The following INTS2 variants were observed in gnomAD, a reference collection of about 807,000 sequenced individuals.
INTS2 encodes the protein KIAA1287.
INTS2 carries 57 observed loss-of-function variants against 139.6 expected under a neutral mutation model. The observed-to-expected ratio is 0.41, with a 90% CI of 0.33 to 0.51. INTS2 has a LOEUF of 0.51. INTS2 is among the 20% of genes least tolerant of loss of function. INTS2 has a pLI of 0.28. For missense variants in INTS2, 1,196 were observed against 1,436.7 expected (o/e 0.83, Z 2.71); for synonymous variants, 473 against 493.4 (o/e 0.96, Z 0.55).
At chr17:61,885,248 A>T (rs969396974) in intron 15 of INTS2, 2 of 505,280 alleles carry the variant, frequency 4.0e-6, no homozygotes, top group East Asian at 6.8e-5. Flanking sequence ...AAGAAAATTC[A>T]TAACAGGTTG....
At chr17:61,924,541 G>A (rs530524468) in intron 3 of INTS2, among the ~76,000 whole-genome samples, 2 of 152,266 alleles carry the variant, frequency 1.3e-5, no homozygotes, top group African/African-American at 4.8e-5. Context: ...AGAGAAGGCC[G>A]GGCACGGTGA....
intron 3 of INTS2, among the ~76,000 whole-genome samples, chr17:61,924,350 A>G (rs1009345959): frequency 1.3e-5 from 2 of 152,336 alleles, no homozygotes; most frequent in Non-Finnish European, 1.5e-5. Flanking sequence ...CTTGAGATAA[A>G]TCCCTTTCTA....
Position 61,907,599 on chromosome 17 carries a change from C to A in INTS2, c.990G>T (p.Gln330His). The change falls in exon 8 of 25, where the codon CAG (glutamine) becomes CAT (histidine). Residue 330 changes from glutamine (Q) to histidine (H), a missense_variant. Physicochemically the swap from Gln to His is conservative, Grantham distance 24 (BLOSUM62 0). Transcript: ENST00000251334. ...KRETSSSVLWQMRRQLLLELM... is the reference protein window; with the variant it reads ...KRETSSSVLWHMRRQLLLELM... ...ACTCCAGAAGAAGCTGCCTTCTCAT[C>A]TGCCAAAGGACAGAACTGCTGGTCT... is the stretch of plus-strand genomic sequence containing the variant. The A allele has an allele frequency of 2.5e-6, 4 of 1,591,448 alleles. No individual in the cohort carries two copies. The highest frequency in any genetic ancestry group is 3.4e-6 in the Non-Finnish European group (4 of 1,168,118).
chr17:61,868,022 A>T lies in INTS2; in HGVS notation c.3245-13T>A. ...GCCTGTGTTAAAACTGTTGGAAAAAAATGAAACAATATTTTAGTTTACAAA... is the reference window on the plus strand; with the variant it reads ...GCCTGTGTTAAAACTGTTGGAAAAATATGAAACAATATTTTAGTTTACAAA... On this transcript the variant is annotated splice_polypyrimidine_tract_variant and intron_variant, in intron 23 of 24. Coordinates refer to ENST00000251334, the MANE Select transcript of INTS2 (RefSeq NM_001351695.2). The surrounding 1 kb of genome is among the most constrained non-coding windows in gnomAD (Gnocchi z 4.7). 1 of 1,545,314 alleles carries T rather than the reference A, an allele frequency of 6.5e-7. No individual in the cohort carries two copies. The highest frequency in any genetic ancestry group is 8.7e-7 in the Non-Finnish European group (1 of 1,149,908).
intron 9 of INTS2, among the ~76,000 whole-genome samples, chr17:61,898,062 C>T (rs1328708858): frequency 6.6e-6 from 1 of 152,094 alleles, no homozygotes; most frequent in Non-Finnish European, 1.5e-5. Flanking sequence ...GTTAAAACAA[C>T]TACACAACAG....
intron 9 of INTS2, among the ~76,000 whole-genome samples, chr17:61,900,360 A>G (rs775101160): frequency 6.6e-6 from 1 of 152,240 alleles, no homozygotes; most frequent in Non-Finnish European, 1.5e-5. Context: ...CCCTTCCCTC[A>G]GCAGAGAGAA....
chr17:61,910,845 G>T (rs1283041318), intron 7 of INTS2: 2 of 151,934 alleles, frequency 1.3e-5, no homozygotes, highest in Non-Finnish European at 1.5e-5. Flanking sequence ...ATGCTTTCAG[G>T]GGGTCTGGAA....
In INTS2 at chr17:61,889,836, T is replaced by C. The variant is rs931031926; in HGVS notation, c.1934A>G (p.Tyr645Cys). ...AGCCTCTTCATAAGACAGTATATAG[T>C]AGAGCACCAAAAGCTGTGCTGTGAT... The part of the protein sequence containing the change: ...FSITAQLLVL[Y>C]YILSYEEALL... The change falls in exon 15 of 25, where the codon TAC (tyrosine) becomes TGC (cysteine). Residue 645 changes from tyrosine (Y) to cysteine (C), a missense_variant. Physicochemically the swap from Tyr to Cys is radical, Grantham distance 194. Transcript: ENST00000251334. The C allele has an allele frequency of 6.2e-7, 1 of 1,612,148 alleles. No homozygotes were observed. Among genetic ancestry groups the C allele is most frequent in the Non-Finnish European group, 8.5e-7 (1 of 1,178,708 alleles).
rs149283427 is a variant in INTS2 at position 61,888,564 on chromosome 17, CGTGTGT to C, written c.1984+1216_1984+1221del. ...TTCTCTGTGTGCGTGTGTGTGCGTG[CGTGTGT>C]GTGTGTGTGTGTGTGTGTGTGGAGA... On this transcript the variant is annotated intron_variant, in intron 15 of 24. Transcript: ENST00000251334. 1.0e-4 allele frequency among the ~76,000 whole-genome samples: 12 copies of C among 119,666 alleles called. No individual in the cohort carries two copies. In the South Asian group the frequency reaches 1.1e-3, roughly 11 times the overall value. 78.5% of individuals were successfully genotyped at this position (119,666 alleles called of 152,430 possible).
rs755660346 is a variant in INTS2, at chr17:61,907,488, C to G, written c.1101G>C (p.Ser367=). 8.7e-6 allele frequency: 14 copies of G among 1,602,738 alleles called. No individual in the cohort carries two copies. Among genetic ancestry groups the G allele is most frequent in the Middle Eastern group, 1.6e-4 (1 of 6,076 alleles). Residue 367 remains serine (S), a synonymous_variant, in exon 8 of 25, where the codon TCG becomes TCC. Transcript: ENST00000251334. Reference sequence around the variant, plus strand: ...TCACAACATGCTCTTCTTTCAGCCCCGAATACACAGACACATTGGGCTCCA... The same window carrying G: ...TCACAACATGCTCTTCTTTCAGCCCGGAATACACAGACACATTGGGCTCCA... ...VDMEPNVSVY[S]GLKEEHVVKA... is the part of the protein sequence containing the mutation.
At position 61,907,436 on chromosome 17, in the gene INTS2, A is replaced by G. The variant is rs2079476773; in HGVS notation, c.1153T>C (p.Cys385Arg). The G allele has an allele frequency of 6.3e-7, 1 of 1,595,260 alleles. No individual in the cohort carries two copies. Among genetic ancestry groups the G allele is most frequent in the Admixed American group, 1.8e-5 (1 of 57,094 alleles). Residue 385 changes from cysteine to arginine, a missense_variant, in exon 8 of 25, where the codon TGT (cysteine) becomes CGT (arginine). Coordinates refer to ENST00000251334, the MANE Select transcript of INTS2 (RefSeq NM_001351695.2). ...VKASALLRLY[C>R]ALMGIAGLKP... ...AGTCCAGCGATCCCCATCAAAGCAC[A>G]GTACAGACGTAAGAGTGCACTGGCT...
Position 61,876,005 on chromosome 17 carries a change from C to T in INTS2, c.2457-967G>A, listed in dbSNP as rs936958034. On this transcript the variant is annotated intron_variant, in intron 18 of 24. Coordinates refer to ENST00000251334, the MANE Select transcript of INTS2 (RefSeq NM_001351695.2). This position sits in a 1 kb window ranked among gnomAD's most constrained non-coding sequence, Gnocchi z 4.1. The stretch of plus-strand genomic sequence containing the variant: ...GCAGCATAGTGAGACACCATCTCTA[C>T]AAAAACTAAAAAAAATTAGGCAGGC... 5.3e-5 allele frequency among the ~76,000 whole-genome samples: 8 copies of T among 151,510 alleles called. No homozygotes were observed. The highest frequency in any genetic ancestry group is 8.8e-5 in the Non-Finnish European group (6 of 67,890).
In INTS2 at chr17:61,869,802, T is replaced by G. The variant is rs1477312540; in HGVS notation, c.2965A>C (p.Ile989Leu). The change falls in exon 21 of 25, where the codon ATC becomes CTC. Residue 989 changes from isoleucine (I) to leucine (L), a missense_variant. By Grantham distance (5) the Ile-to-Leu change is conservative (BLOSUM62 2). This residue lies in a region of INTS2 where 1,129 missense variants were observed against 1,341.9 expected (regional missense o/e 0.84). Coordinates refer to ENST00000251334, the MANE Select transcript of INTS2 (RefSeq NM_001351695.2). The surrounding 1 kb of genome is among the most constrained non-coding windows in gnomAD (Gnocchi z 5.4). Reference protein sequence around the residue: ...LCNLREVQCLICCLLHQMYIA... With the variant: ...LCNLREVQCLLCCLLHQMYIA... ...TACATTTGGTGCAAGAGACAACAGA[T>G]AAGGCACTGAACTTCTCGAAGGTTA... 8.1e-6 allele frequency: 13 copies of G among 1,613,772 alleles called. No homozygotes were observed. The highest frequency in any genetic ancestry group is 1.3e-5 in the African/African-American group (1 of 74,940).
At position 61,865,527 on chromosome 17, in the gene INTS2, ACAT is replaced by A. The variant is rs1694480303; in HGVS notation, c.*2027_*2029del. The A allele has an allele frequency of 6.5e-6, 1 of 152,676 alleles. No individual in the cohort carries two copies. The highest frequency in any genetic ancestry group is 1.5e-5 in the Non-Finnish European group (1 of 68,038). The allele number at this position is 152,676 out of a possible 1,614,324, so 9.5% of individuals were successfully genotyped here. On this transcript the variant is annotated 3_prime_UTR_variant, in exon 25 of 25. Transcript: ENST00000251334. The surrounding 1 kb of genome is among the most constrained non-coding windows in gnomAD (Gnocchi z 4.8). ...ACTAATATATTTACACATTTTATTT[ACAT>A]CATCAACAAATCTGATGAAAAAGAG...
Position 61,891,538 on chromosome 17 carries a change from A to T in INTS2, c.1850T>A (p.Leu617His). 2 of 1,613,508 alleles carry T rather than the reference A, an allele frequency of 1.2e-6. No homozygotes were observed. Among genetic ancestry groups the T allele is most frequent in the South Asian group, 2.2e-5 (2 of 91,014 alleles). The change falls in exon 14 of 25, where the codon CTC becomes CAC. Residue 617 changes from leucine (L) to histidine (H), a missense_variant. By Grantham distance (99) the Leu-to-His change is moderately conservative (BLOSUM62 -3). This residue lies in a region of INTS2 where 1,129 missense variants were observed against 1,341.9 expected (regional missense o/e 0.84). Coordinates refer to ENST00000251334, the MANE Select transcript of INTS2 (RefSeq NM_001351695.2). ...CCCAATGACTCCTTGGAAAATATTGAGTATCTCCTGTTCTGTGACTGGCTG... is the reference window on the plus strand; with the variant it reads ...CCCAATGACTCCTTGGAAAATATTGTGTATCTCCTGTTCTGTGACTGGCTG... ...TNQPVTEQEI[L>H]NIFQGVIGGD...
At chr17:61,914,418 C>T (rs1162576762) in intron 5 of INTS2, among the ~76,000 whole-genome samples, 3 of 151,948 alleles carry the variant, frequency 2.0e-5, no homozygotes, top group African/African-American at 7.3e-5. Context: ...TAGCTGGGCG[C>T]GCCAGGTGCA....
Position 61,868,221 on chromosome 17 carries a change from T to G in INTS2, c.3245-212A>C, listed in dbSNP as rs1233563268. Among the ~76,000 whole-genome samples the G allele has an allele frequency of 2.0e-5, 3 of 152,154 alleles. No homozygotes were observed. The highest frequency in any genetic ancestry group is 4.4e-5 in the Non-Finnish European group (3 of 68,000). On this transcript the variant is annotated intron_variant, in intron 23 of 24. Transcript: ENST00000251334. This position sits in a 1 kb window ranked among gnomAD's most constrained non-coding sequence, Gnocchi z 4.7. Reference sequence around the variant, plus strand: ...CAAGTTTTGCAATAAGTACATTACATGCATTATTTCATTGAATTCCTACAA... The same window carrying G: ...CAAGTTTTGCAATAAGTACATTACAGGCATTATTTCATTGAATTCCTACAA...
chr17:61,919,390 T>A lies in INTS2; in HGVS notation c.649+10A>T. On this transcript the variant is annotated intron_variant, in intron 5 of 24. Transcript: ENST00000251334. ...GTCTTTTCAATATACCATATTAGAA[T>A]CATATTTACCTTCATTAAAACTATC... 7.2e-7 allele frequency: 1 copy of A among 1,383,030 alleles called. No individual in the cohort carries two copies. The highest frequency in any genetic ancestry group is 1.0e-6 in the Non-Finnish European group (1 of 985,800). 85.7% of individuals were successfully genotyped at this position (1,383,030 alleles called of 1,614,324 possible). A position where few individuals can be genotyped will look rare whatever the true frequency, so the allele number is the denominator to read the frequency against.
chr17:61,904,402 T>C, intron 9 of INTS2, 58 bp downstream of exon 9: 1 of 1,249,006 alleles, frequency 8.0e-7, no homozygotes. Flanking sequence ...CTATACAATT[T>C]TATTGAGTAA....
Sources: allele counts gnomAD v4.1 joint callset (sites outside exome capture counted in the v4.1 genomes callset), GRCh38; gene constraint gnomAD v4.1.1; regional missense constraint gnomAD v4.1.1; non-coding constraint Gnocchi (gnomAD v3.1); transcripts MANE v1.5; gene names NCBI Gene and HGNC (gene_info 2026-07-23, HGNC 2026-07-21).